Variants in RHOU observed in about 807,000 individuals in gnomAD.
RHOU encodes ras homolog family member U, also known as rho-related GTP-binding protein RhoU.
In RHOU, 8 loss-of-function variants were observed where a neutral mutation model predicts 12.6. The ratio of observed to expected loss-of-function variants is 0.64; its 90% CI spans 0.37 to 1.15. The LOEUF (loss-of-function observed/expected upper bound fraction) is 1.15. Ranked by LOEUF, RHOU falls within the 50% of genes most tolerant of loss-of-function variation. The pLI, the probability that RHOU is intolerant of heterozygous loss-of-function variation, is 0.01. For missense variants in RHOU, 258 were observed against 347.0 expected (o/e 0.74, Z 2.04); for synonymous variants, 161 against 147.4 (o/e 1.09, Z -0.67).
At chr1:228,729,890 G>A in the RHOU span, among the ~76,000 whole-genome samples, 3 of 152,164 alleles carry the variant, frequency 2.0e-5, no homozygotes, top group Admixed American at 6.6e-5. Flanking sequence ...GACTTCTGGA[G>A]GCAGGGAAAC....
At chr1:228,679,519 T>C in the RHOU span, among the ~76,000 whole-genome samples, 6 of 151,874 alleles carry the variant, frequency 4.0e-5, no homozygotes, top group African/African-American at 1.5e-4. Flanking sequence ...GGAGAATATA[T>C]GGGTTTGGCA....
chr1:228,684,172 G>T, the RHOU span, among the ~76,000 whole-genome samples: 1 of 152,120 alleles, frequency 6.6e-6, no homozygotes, highest in South Asian at 2.1e-4. Context: ...TGATAGCTGG[G>T]ATTACAGGTG....
At chr1:228,683,087 A>G in the RHOU span, among the ~76,000 whole-genome samples, 1,615 of 152,270 alleles carry the variant, frequency 0.011, 28 homozygotes, top group African/African-American at 0.037. Flanking sequence ...GTTGAGTTGA[A>G]TGCCCAGAAG....
the RHOU span, among the ~76,000 whole-genome samples, chr1:228,704,118 G>A: frequency 6.6e-6 from 1 of 152,140 alleles, no homozygotes; most frequent in Non-Finnish European, 1.5e-5. Flanking sequence ...TCCAGTGGAA[G>A]GCTCATCAAG....
At chr1:228,676,105 G>A in the RHOU span, among the ~76,000 whole-genome samples, 1 of 151,930 alleles carries the variant, frequency 6.6e-6, no homozygotes, top group East Asian at 1.9e-4. Context: ...TAGTTCCAAG[G>A]GGAGTGAGCT....
the RHOU span, among the ~76,000 whole-genome samples, chr1:228,713,887 T>C: frequency 6.6e-6 from 1 of 152,156 alleles, no homozygotes; most frequent in Non-Finnish European, 1.5e-5. Flanking sequence ...ACTCAGCTTG[T>C]GTCTGCTGTA....
At position 228,745,703 on chromosome 1, in the gene RHOU, C is replaced by T. The variant is rs1662818060; in HGVS notation, c.*1963C>T. 1 of 152,340 alleles carries T rather than the reference C, an allele frequency of 6.6e-6. No homozygotes were observed. The highest frequency in any genetic ancestry group is 1.9e-4 in the East Asian group (1 of 5,192). The allele number at this position is 152,340 out of a possible 1,614,324, so 9.4% of individuals were successfully genotyped here. ...TAGACCTAACTGAATACAGTCTCATCTTGCCGCGCCTGGCTTACCTATCTG... is the reference window on the plus strand; with the variant it reads ...TAGACCTAACTGAATACAGTCTCATTTTGCCGCGCCTGGCTTACCTATCTG... On this transcript the variant is annotated 3_prime_UTR_variant, in exon 3 of 3. Transcript: ENST00000366691.
chr1:228,719,770 A>T, the RHOU span, among the ~76,000 whole-genome samples: 2 of 152,056 alleles, frequency 1.3e-5, no homozygotes, highest in Non-Finnish European at 2.9e-5. Flanking sequence ...ACAACAACAA[A>T]AAAAATGATA....
At chr1:228,663,460 A>C in the RHOU span, among the ~76,000 whole-genome samples, 2 of 152,204 alleles carry the variant, frequency 1.3e-5, no homozygotes, top group South Asian at 4.1e-4. Context: ...TAGGAAAGCA[A>C]TAATAAGGAA....
chr1:228,666,208 C>T, the RHOU span, among the ~76,000 whole-genome samples: 1 of 152,198 alleles, frequency 6.6e-6, no homozygotes, highest in Non-Finnish European at 1.5e-5. Flanking sequence ...GATCCATCCA[C>T]CTTAGCCTTT....
the RHOU span, among the ~76,000 whole-genome samples, chr1:228,663,625 C>CTTTTTTTTTTTTTTTTTTTTT: frequency 5.3e-4 from 31 of 58,770 alleles, 1 homozygote; most frequent in Non-Finnish European, 7.4e-4. Context: ...CTTTTCTTTT[C>CTTTTTTTTTTTTTTTTTTTTT]TTTTTTTTTT....
chr1:228,673,232 A>G, the RHOU span, among the ~76,000 whole-genome samples: 1 of 151,908 alleles, frequency 6.6e-6, no homozygotes, highest in Non-Finnish European at 1.5e-5. Context: ...CACTAATCTA[A>G]CTCCTTAAAC....
chr1:228,671,648 C>T, the RHOU span, among the ~76,000 whole-genome samples: 1 of 125,502 alleles, frequency 8.0e-6, no homozygotes, highest in Admixed American at 1.0e-4. Context: ...ACCTAGGAGG[C>T]GGAGGTTGCA....
chr1:228,667,043 G>A, the RHOU span, among the ~76,000 whole-genome samples: 3 of 152,196 alleles, frequency 2.0e-5, no homozygotes, highest in Non-Finnish European at 2.9e-5. Context: ...TCTAACAGAA[G>A]GAAATCTGAG....
At chr1:228,684,462 G>A in the RHOU span, among the ~76,000 whole-genome samples, 2 of 152,164 alleles carry the variant, frequency 1.3e-5, no homozygotes, top group African/African-American at 4.8e-5. Context: ...CTGAGTAGCT[G>A]GGACTACAGG....
chr1:228,694,806 T>C, the RHOU span, among the ~76,000 whole-genome samples: 1 of 152,204 alleles, frequency 6.6e-6, no homozygotes, highest in Admixed American at 6.5e-5. Context: ...TCTTTTGATT[T>C]ATATTCTTTT....
At chr1:228,654,723 C>T in the RHOU span, among the ~76,000 whole-genome samples, 1 of 152,290 alleles carries the variant, frequency 6.6e-6, no homozygotes, top group South Asian at 2.1e-4. Flanking sequence ...CTTTAGTGCA[C>T]CTAGTGGGTA....
the RHOU span, among the ~76,000 whole-genome samples, chr1:228,711,441 G>A: frequency 6.6e-6 from 1 of 152,192 alleles, no homozygotes; most frequent in Non-Finnish European, 1.5e-5. Flanking sequence ...AAAAAGCATG[G>A]TACTGGTACC....
chr1:228,678,859 G>T, the RHOU span, among the ~76,000 whole-genome samples: 1 of 152,080 alleles, frequency 6.6e-6, no homozygotes, highest in Non-Finnish European at 1.5e-5. Context: ...GTCTCTAAAA[G>T]TATTAAGGCA....
Sources: gnomAD v4.1 joint callset for allele counts (sites outside exome capture counted in the v4.1 genomes callset) on GRCh38, gnomAD v4.1.1 for gene constraint, MANE v1.5 for transcripts, NCBI Gene and HGNC (gene_info 2026-07-23, HGNC 2026-07-21) for gene names.